Variants in CUX1 observed in about 807,000 individuals in gnomAD.
The protein encoded by CUX1 is cut like homeobox 1, also known as protein CASP.
A neutral mutation model predicts 158.8 loss-of-function variants in CUX1; 31 were observed. That is an observed-to-expected ratio of 0.20 (90% CI 0.15 to 0.26). The LOEUF (loss-of-function observed/expected upper bound fraction) is 0.26. CUX1 is among the 10% of genes least tolerant of loss of function. CUX1 has a pLI of 1.00. For synonymous variants in CUX1, 879 were observed against 862.1 expected (o/e 1.02, Z -0.34); for missense variants, 1,589 against 2,014.6 (o/e 0.79, Z 4.04).
intron 9 of CUX1, among the ~76,000 whole-genome samples, chr7:102,160,044 G>A (rs150916986): frequency 7.8e-4 from 119 of 151,890 alleles, no homozygotes; most frequent in South Asian, 2.5e-3. Flanking sequence ...AGCCGGGTGC[G>A]GTGACATGCA....
intron 2 of CUX1, among the ~76,000 whole-genome samples, chr7:102,015,781 C>T (rs1191098361): frequency 6.6e-6 from 1 of 152,088 alleles, no homozygotes; most frequent in Non-Finnish European, 1.5e-5. Flanking sequence ...CCAAAGGAGC[C>T]TTCTCTCCTG....
chr7:102,074,643 C>T (rs1462397177), intron 4 of CUX1, among the ~76,000 whole-genome samples: 2 of 152,194 alleles, frequency 1.3e-5, no homozygotes, highest in Admixed American at 6.5e-5. Flanking sequence ...TCCTCAGCAG[C>T]GGAGTTCACC....
chr7:102,193,258 C>T (rs1794467720), intron 12 of CUX1, among the ~76,000 whole-genome samples: 1 of 152,230 alleles, frequency 6.6e-6, no homozygotes, highest in Admixed American at 6.5e-5. Flanking sequence ...AAATACATTC[C>T]ACTTGCAACA....
In CUX1 at chr7:102,250,739, T is replaced by C. The variant is rs1586445954; in HGVS notation, c.*1697T>C. On this transcript the variant is annotated 3_prime_UTR_variant, in exon 24 of 24. Coordinates refer to ENST00000292535, the MANE Select transcript of CUX1 (RefSeq NM_181552.4). ...TCTAACTTGTCTCTGATTCCTCCCT[T>C]GTCTATGTGTATATGCGTGAGAATA... The C allele has an allele frequency of 2.0e-6, 2 of 985,432 alleles. No homozygotes were observed. Among genetic ancestry groups the C allele is most frequent in the East Asian group, 1.1e-4 (1 of 8,818 alleles). The allele number at this position is 985,432 out of a possible 1,614,324, so 61.0% of individuals were successfully genotyped here. A position where few individuals can be genotyped will look rare whatever the true frequency, so the allele number is the denominator to read the frequency against.
In CUX1 at chr7:102,201,639, C is replaced by T. The variant is rs782424046; in HGVS notation, c.2342C>T (p.Pro781Leu). The T allele has an allele frequency of 3.7e-6, 6 of 1,613,554 alleles. No individual in the cohort carries two copies. In the Admixed American group the frequency reaches 6.7e-5, roughly 18 times the overall value. Residue 781 changes from proline to leucine, a missense_variant, in exon 18 of 24, where the codon CCC (proline) becomes CTC (leucine). Pro to Leu is a moderately conservative substitution (Grantham distance 98). Around this residue, in one of 8 missense-constraint regions of CUX1, gnomAD observed 337 missense variants for 409.3 expected, o/e 0.82. Transcript: ENST00000292535. The surrounding 1 kb of genome is among the most constrained non-coding windows in gnomAD (Gnocchi z 5.0). ...GCCGGTGCCTCTGCTCTGCCGAACC[C>T]CCCGGCCCTCAAAAAGGAGGCCCAG... ...PEAGASALPN[P>L]PALKKEAQDA...
chr7:102,245,124 C>A (rs1426375855), intron 23 of CUX1, among the ~76,000 whole-genome samples: 1 of 152,174 alleles, frequency 6.6e-6, no homozygotes, highest in Admixed American at 6.5e-5. Context: ...CTCACCGCAG[C>A]CTTGAACTCC....
At chr7:101,816,669 G>A (rs922344532), upstream of CUX1, among the ~76,000 whole-genome samples, 2 of 145,198 alleles carry the variant, frequency 1.4e-5, no homozygotes, top group African/African-American at 4.9e-5. Flanking sequence ...CTCTCCAGGA[G>A]GAGCCGCCGC....
At position 102,053,690 on chromosome 7, in the gene CUX1, A is replaced by G. The variant is rs532164980; in HGVS notation, c.190-16649A>G. Among the ~76,000 whole-genome samples the G allele has an allele frequency of 8.6e-5, 13 of 151,352 alleles. No homozygotes were observed. The East Asian group carries it at 2.5e-3, about 30-fold the overall frequency. ...TCCCACAAATATGTCAGAATATGAG[A>G]TGTTTGTCTTTCTATGCCTGGCTAA... is the stretch of plus-strand genomic sequence containing the variant. On this transcript the variant is annotated intron_variant, in intron 3 of 23. Transcript: ENST00000292535.
In CUX1 at chr7:102,249,530, T is replaced by C; in HGVS notation, c.*488T>C. The C allele has an allele frequency of 1.0e-6, 1 of 985,932 alleles. No individual in the cohort carries two copies. Among genetic ancestry groups the C allele is most frequent in the South Asian group, 4.7e-5 (1 of 21,292 alleles). The allele number at this position is 985,932 out of a possible 1,614,324, so 61.1% of individuals were successfully genotyped here. ...ATTTCCACAGGTTCTGGAATAACTC[T>C]TACAGCTTTGCCTTGTGTCCTCCTG... On this transcript the variant is annotated 3_prime_UTR_variant, in exon 24 of 24. Coordinates refer to ENST00000292535, the MANE Select transcript of CUX1 (RefSeq NM_181552.4).
intron 20 of CUX1, among the ~76,000 whole-genome samples, chr7:102,208,022 T>C (rs1227953709): frequency 2.0e-5 from 3 of 151,928 alleles, no homozygotes; most frequent in African/African-American, 7.3e-5. Context: ...ACCCCATCTC[T>C]ACAAAAAATG....
intron 1 of CUX1, among the ~76,000 whole-genome samples, chr7:101,903,669 G>A (rs914181379): frequency 7.2e-5 from 11 of 152,136 alleles, no homozygotes; most frequent in African/African-American, 2.7e-4. Context: ...GGCCTGCCCC[G>A]GCACCTGCTC....
chr7:102,267,200 G>A (rs575404853), intron 14 of CUX1, among the ~76,000 whole-genome samples: 144 of 150,898 alleles, frequency 9.5e-4, no homozygotes, highest in Admixed American at 2.6e-3. Flanking sequence ...CATGTGCACC[G>A]AGCGTCTCCA....
intron 2 of CUX1, among the ~76,000 whole-genome samples, chr7:101,939,574 G>A (rs571846237): frequency 2.2e-4 from 33 of 152,284 alleles, no homozygotes; most frequent in African/African-American, 7.0e-4. Context: ...GTTCATGCCT[G>A]TAATCCCAGT....
chr7:101,979,718 C>T (rs769862729), intron 2 of CUX1, among the ~76,000 whole-genome samples: 11 of 151,952 alleles, frequency 7.2e-5, no homozygotes, highest in East Asian at 1.9e-4. Context: ...AGCACAATGT[C>T]GGTTCACTGC....
At chr7:102,039,516 G>A (rs1751204836) in intron 3 of CUX1, among the ~76,000 whole-genome samples, 1 of 151,996 alleles carries the variant, frequency 6.6e-6, no homozygotes, top group Non-Finnish European at 1.5e-5. Context: ...TTAGCCAAGT[G>A]CGGTATCATA....
At chr7:102,031,288 A>T (rs1820758319) in intron 3 of CUX1, among the ~76,000 whole-genome samples, 1 of 151,890 alleles carries the variant, frequency 6.6e-6, no homozygotes, top group African/African-American at 2.4e-5. Context: ...CAAACTCCTG[A>T]CCTCAAGTGA....
chr7:101,816,030 G>T, upstream of CUX1: 1 of 1,429,446 alleles, frequency 7.0e-7, no homozygotes, highest in Non-Finnish European at 9.4e-7. Flanking sequence ...TATGTCTCAA[G>T]ATGGCGGCCA....
chr7:102,260,525 G>A (rs938225753), downstream of CUX1, among the ~76,000 whole-genome samples: 1 of 144,890 alleles, frequency 6.9e-6, no homozygotes, highest in Non-Finnish European at 1.5e-5. Context: ...TCCTGCCTCC[G>A]CCTCCCAAGT....
chr7:102,202,089 C>T lies in CUX1; in HGVS notation c.2792C>T (p.Thr931Ile). ...KPTKPSVPPL[T>I]PEQYEVYMYQ... ...ACCAAGCCCTCGGTCCCCCCGCTGACCCCCGAGCAGTACGAGGTCTACATG... is the reference window on the plus strand; with the variant it reads ...ACCAAGCCCTCGGTCCCCCCGCTGATCCCCGAGCAGTACGAGGTCTACATG... Residue 931 changes from threonine (T) to isoleucine (I), a missense_variant, in exon 18 of 24, where the codon ACC becomes ATC. Physicochemically the swap from Thr to Ile is moderately conservative, Grantham distance 89 (BLOSUM62 -1). Transcript: ENST00000292535. 1.2e-6 allele frequency: 2 copies of T among 1,614,116 alleles called. No individual in the cohort carries two copies. The highest frequency in any genetic ancestry group is 1.7e-6 in the Non-Finnish European group (2 of 1,180,030).
Sources: allele counts gnomAD v4.1 joint callset (sites outside exome capture counted in the v4.1 genomes callset), GRCh38; gene constraint gnomAD v4.1.1; regional missense constraint gnomAD v4.1.1; non-coding constraint Gnocchi (gnomAD v3.1); transcripts MANE v1.5; gene names NCBI Gene and HGNC (gene_info 2026-07-23, HGNC 2026-07-21).